MYRIP: variants seen among roughly 807,000 people sequenced by gnomAD.
The protein encoded by MYRIP is rab effector MyRIP.
In MYRIP, 49 loss-of-function variants were observed where a neutral mutation model predicts 98.0. The ratio of observed to expected loss-of-function variants is 0.50; its 90% confidence interval spans 0.40 to 0.63. MYRIP has a LOEUF of 0.63. MYRIP is among the 30% of genes least tolerant of loss of function. The pLI, the probability that MYRIP is intolerant of heterozygous loss-of-function variation, is 0.00. For missense variants in MYRIP, 1,004 were observed against 1,058.2 expected, an observed-to-expected ratio of 0.95 and a Z score of 0.71; for synonymous variants, 404 against 409.5, an observed-to-expected ratio of 0.99 and a Z score of 0.16.
rs1325307317 is a variant in MYRIP at position 40,198,865 on chromosome 3, G to A, written c.1665+8402G>A. On this transcript the variant is annotated intron_variant, in intron 10 of 16. Transcript: ENST00000302541. ...GTAAATATTCATTTATTTAATAGGT[G>A]TATGCCTTGCTCCAGAAATAATTTA... 4.6e-5 allele frequency among the ~76,000 whole-genome samples: 7 copies of A among 152,152 alleles called. No individual in the cohort carries two copies. In the South Asian group the frequency reaches 1.2e-3, roughly 27 times the overall value.
intron 3 of MYRIP, chr3:40,100,337 A>G (rs1375832804): frequency 5.6e-6 from 5 of 894,758 alleles, no homozygotes; most frequent in Non-Finnish European, 6.7e-6. Flanking sequence ...TTTATTATAC[A>G]TTGCCTGATT....
At chr3:39,830,281 A>G (rs1038380933) in intron 1 of MYRIP, among the ~76,000 whole-genome samples, 1 of 151,974 alleles carries the variant, frequency 6.6e-6, no homozygotes, top group South Asian at 2.1e-4. Flanking sequence ...ATCTTTACCT[A>G]CTCCATACCT....
chr3:40,107,657 A>G (rs185186288), intron 3 of MYRIP, among the ~76,000 whole-genome samples: 23 of 152,328 alleles, frequency 1.5e-4, no homozygotes, highest in Non-Finnish European at 3.1e-4. Flanking sequence ...AGCAAAAATT[A>G]TAGGTATCCC....
chr3:40,228,809 T>C (rs1952563321), intron 11 of MYRIP, among the ~76,000 whole-genome samples: 1 of 152,206 alleles, frequency 6.6e-6, no homozygotes, highest in South Asian at 2.1e-4. Context: ...AAGCTGACTC[T>C]CTGAACCCAG....
At chr3:40,129,041 G>A (rs1468450176) in intron 3 of MYRIP, among the ~76,000 whole-genome samples, 1 of 151,820 alleles carries the variant, frequency 6.6e-6, no homozygotes, top group East Asian at 1.9e-4. Context: ...TTATCACCCA[G>A]TTCAGTTCTT....
intron 1 of MYRIP, among the ~76,000 whole-genome samples, chr3:39,861,329 A>G (rs751165853): frequency 7.2e-5 from 11 of 152,216 alleles, no homozygotes; most frequent in Non-Finnish European, 1.0e-4. Flanking sequence ...GATAAAAGAA[A>G]TAAAAACCCA....
At chr3:39,862,721 T>C (rs534831952) in intron 1 of MYRIP, among the ~76,000 whole-genome samples, 1 of 152,228 alleles carries the variant, frequency 6.6e-6, no homozygotes, top group African/African-American at 2.4e-5. Flanking sequence ...CTGACTGTGT[T>C]AGGTCATCAA....
At chr3:39,871,603 G>C (rs1170010676) in intron 1 of MYRIP, among the ~76,000 whole-genome samples, 2 of 152,050 alleles carry the variant, frequency 1.3e-5, no homozygotes, top group Non-Finnish European at 2.9e-5. Context: ...AGAAAATATA[G>C]TAACTATAAA....
At chr3:39,885,750 T>A (rs976892312) in intron 1 of MYRIP, among the ~76,000 whole-genome samples, 1 of 152,098 alleles carries the variant, frequency 6.6e-6, no homozygotes, top group African/African-American at 2.4e-5. Context: ...ATTCATTTGA[T>A]CTTCCATCAC....
intron 12 of MYRIP, among the ~76,000 whole-genome samples, chr3:40,240,671 G>A (rs1048579424): frequency 3.2e-4 from 49 of 152,218 alleles, no homozygotes; most frequent in African/African-American, 1.1e-3. Flanking sequence ...CATTAGTGCT[G>A]TGAAATCAGC....
chr3:40,250,403 T>C, intron 14 of MYRIP, 36 bp from the exon 15 acceptor site: 15 of 1,613,328 alleles, frequency 9.3e-6, no homozygotes, highest in Non-Finnish European at 1.3e-5. Flanking sequence ...TCTTTGGCTC[T>C]GCAAAGGTAT....
chr3:40,133,846 T>G (rs557047330), intron 3 of MYRIP, among the ~76,000 whole-genome samples: 2 of 152,344 alleles, frequency 1.3e-5, no homozygotes, highest in Non-Finnish European at 2.9e-5. Flanking sequence ...ATAAGTCATA[T>G]AGATTCGACA....
chr3:40,254,991 G>A (rs1045464893), intron 16 of MYRIP, among the ~76,000 whole-genome samples: 5 of 152,050 alleles, frequency 3.3e-5, no homozygotes, highest in East Asian at 1.9e-4. Context: ...GAAGCACCAC[G>A]TAATGGCATA....
intron 3 of MYRIP, among the ~76,000 whole-genome samples, chr3:40,096,747 G>A (rs529721706): frequency 1.3e-5 from 2 of 152,330 alleles, no homozygotes; most frequent in East Asian, 3.9e-4. Context: ...GAGCAGCAGG[G>A]CTGAGAGCGT....
chr3:40,190,026 C>T lies in MYRIP; in HGVS notation c.1228C>T (p.Leu410=), dbSNP rs1390086599. The change falls in exon 10 of 17, where the codon CTG becomes TTG. Residue 410 remains leucine (L), a synonymous_variant. Transcript: ENST00000302541. ...DFDWSEALSK[L]CPRSRALPRN... The stretch of plus-strand genomic sequence containing the variant: ...TGACTGGAGTGAGGCCTTGAGCAAG[C>T]TGTGTCCCAGGTCCCGGGCCCTGCC... The T allele has an allele frequency of 6.2e-7, 1 of 1,614,104 alleles. No individual in the cohort carries two copies. Among genetic ancestry groups the T allele is most frequent in the Non-Finnish European group, 8.5e-7 (1 of 1,180,010 alleles).
intron 1 of MYRIP, among the ~76,000 whole-genome samples, chr3:39,816,138 G>A (rs113380837): frequency 6.6e-6 from 1 of 151,206 alleles, no homozygotes; most frequent in East Asian, 1.9e-4. Context: ...CTGGAGTGCA[G>A]TGGTGCAATC....
chr3:39,882,786 C>T (rs898137598), intron 1 of MYRIP, among the ~76,000 whole-genome samples: 1 of 152,080 alleles, frequency 6.6e-6, no homozygotes, highest in African/African-American at 2.4e-5. Context: ...TTTGCTATTA[C>T]ATACTTTGAA....
chr3:40,033,486 T>G (rs1027886708), intron 2 of MYRIP, among the ~76,000 whole-genome samples: 1 of 152,092 alleles, frequency 6.6e-6, no homozygotes, highest in Admixed American at 6.6e-5. Flanking sequence ...TCAAAGAGAA[T>G]AAAATACCTA....
At chr3:39,978,894 G>A (rs1377735079) in intron 2 of MYRIP, among the ~76,000 whole-genome samples, 2 of 151,344 alleles carry the variant, frequency 1.3e-5, no homozygotes, top group Non-Finnish European at 2.9e-5. Flanking sequence ...CTAAGCTGTA[G>A]CATTTTTTCA....
Sources: gnomAD v4.1 joint callset for allele counts (sites outside exome capture counted in the v4.1 genomes callset) on GRCh38, gnomAD v4.1.1 for gene constraint, MANE v1.5 for transcripts, NCBI Gene and HGNC (gene_info 2026-07-23, HGNC 2026-07-21) for gene names.